The following RXFP2 variants were observed in gnomAD, a reference collection of about 807,000 sequenced individuals.
RXFP2 encodes relaxin receptor 2.
Under a neutral mutation model 88.6 loss-of-function variants are expected in RXFP2, and 68 were observed. The observed-to-expected ratio is 0.77, with a 90% CI of 0.63 to 0.94. The LOEUF (loss-of-function observed/expected upper bound fraction) is 0.94. Among genes scored for constraint, RXFP2 ranks in the 40% least tolerant of loss-of-function variants. The probability of loss-of-function intolerance (pLI) is 0.00; values close to 1 mark genes in which losing one functional copy is unlikely to be tolerated. For missense variants in RXFP2, 791 were observed against 893.9 expected, an observed-to-expected ratio of 0.88 and a Z score of 1.47; for synonymous variants, 329 against 306.8, an observed-to-expected ratio of 1.07 and a Z score of -0.76.
At chr13:31,756,712 C>G (rs765503687) in intron 1 of RXFP2, among the ~76,000 whole-genome samples, 2 of 151,848 alleles carry the variant, frequency 1.3e-5, no homozygotes, top group Non-Finnish European at 2.9e-5. Context: ...ACCTCTGCCC[C>G]CCAAGTTCAA....
At chr13:31,785,870 A>C (rs1296630992) in intron 11 of RXFP2, among the ~76,000 whole-genome samples, 2 of 152,218 alleles carry the variant, frequency 1.3e-5, no homozygotes, top group Non-Finnish European at 2.9e-5. Context: ...TTCTTCTGCA[A>C]AAATAGTCTT....
intron 1 of RXFP2, among the ~76,000 whole-genome samples, chr13:31,756,641 A>G (rs1379350951): frequency 2.1e-5 from 2 of 96,100 alleles, no homozygotes; most frequent in African/African-American, 4.1e-5. Context: ...TTTTTTTTTG[A>G]GACTGAGTCA....
chr13:31,775,647 G>C (rs551847475), intron 7 of RXFP2, among the ~76,000 whole-genome samples: 1 of 152,300 alleles, frequency 6.6e-6, no homozygotes, highest in South Asian at 2.1e-4. Context: ...TCTCCCAAGA[G>C]TTGTGACAAC....
chr13:31,785,640 C>T (rs1873499735), intron 11 of RXFP2, among the ~76,000 whole-genome samples: 2 of 151,868 alleles, frequency 1.3e-5, no homozygotes, highest in East Asian at 3.9e-4. Flanking sequence ...TAACCATCAG[C>T]AGTTCCAGAG....
Position 31,790,741 on chromosome 13 carries a change from A to G in RXFP2, c.1146-1065A>G, listed in dbSNP as rs553203797. Among the ~76,000 whole-genome samples the G allele has an allele frequency of 5.3e-5, 8 of 152,324 alleles. No homozygotes were observed. The South Asian group carries it at 1.7e-3, about 32-fold the overall frequency. ...AGGGATAGAAGGAGGATTGAGGATT[A>G]CCACTGAGGTGGGGTGGATGGAAGT... On this transcript the variant is annotated intron_variant, in intron 14 of 17. Transcript: ENST00000298386.
intron 13 of RXFP2, among the ~76,000 whole-genome samples, 174 bp downstream of exon 13, chr13:31,786,811 C>T (rs1036461127): frequency 1.3e-5 from 2 of 152,076 alleles, no homozygotes; most frequent in African/African-American, 4.8e-5. Context: ...ATTTACCATT[C>T]GACATGTATG....
At chr13:31,756,383 T>C (rs1390670615) in intron 1 of RXFP2, among the ~76,000 whole-genome samples, 1 of 152,156 alleles carries the variant, frequency 6.6e-6, no homozygotes, top group Non-Finnish European at 1.5e-5. Context: ...AACTAGGAAA[T>C]GCCCAGCACA....
chr13:31,778,396 TATC>T, intron 8 of RXFP2, 113 bp from the exon 9 acceptor site: 3 of 728,274 alleles, frequency 4.1e-6, no homozygotes, highest in Admixed American at 4.4e-5. Context: ...CTATATATGT[TATC>T]ATCATAAGAT....
At chr13:31,739,767 A>G in intron 1 of RXFP2, 61 bp downstream of exon 1, 2 of 1,040,922 alleles carry the variant, frequency 1.9e-6, no homozygotes, top group East Asian at 2.4e-5. Context: ...ATTTCTATGT[A>G]GTTCTATGGC....
chr13:31,769,740 A>G (rs1197476400), intron 5 of RXFP2, among the ~76,000 whole-genome samples: 1 of 152,106 alleles, frequency 6.6e-6, no homozygotes, highest in East Asian at 1.9e-4. Flanking sequence ...CTGCTAAGTG[A>G]TGTGTGTGCT....
At chr13:31,770,930 C>T (rs977068847) in intron 5 of RXFP2, among the ~76,000 whole-genome samples, 1 of 152,004 alleles carries the variant, frequency 6.6e-6, no homozygotes, top group Non-Finnish European at 1.5e-5. Flanking sequence ...ACATGTAGAA[C>T]TAAAGAGAAG....
rs188981298 is a variant in RXFP2 at position 31,761,592 on chromosome 13, T to C, written c.242-132T>C. The C allele has an allele frequency of 1.2e-4, 80 of 663,334 alleles. No homozygotes were observed. In the East Asian group the frequency reaches 2.3e-3, roughly 19 times the overall value. The allele number at this position is 663,334 out of a possible 1,614,324, so 41.1% of individuals were successfully genotyped here. A position where few individuals can be genotyped will look rare whatever the true frequency, so the allele number is the denominator to read the frequency against. On this transcript the variant is annotated intron_variant, in intron 2 of 17. Coordinates refer to ENST00000298386, the MANE Select transcript of RXFP2 (RefSeq NM_130806.5). Reference sequence around the variant, plus strand: ...GTTTGCCTAACTTTTTCTCTCTTACTATGTATTTAAAATATCAATAATTCT... The same window carrying C: ...GTTTGCCTAACTTTTTCTCTCTTACCATGTATTTAAAATATCAATAATTCT...
intron 13 of RXFP2, among the ~76,000 whole-genome samples, chr13:31,787,158 C>T (rs1873582870): frequency 6.6e-6 from 1 of 152,214 alleles, no homozygotes; most frequent in East Asian, 1.9e-4. Flanking sequence ...AACTCTGCCA[C>T]TTTTCCTTTG....
intron 1 of RXFP2, among the ~76,000 whole-genome samples, chr13:31,748,200 T>C (rs951193520): frequency 6.6e-6 from 1 of 152,252 alleles, no homozygotes; most frequent in Non-Finnish European, 1.5e-5. Context: ...CATTCTTGTA[T>C]GAATCTCTTG....
intron 1 of RXFP2, among the ~76,000 whole-genome samples, chr13:31,751,611 C>A (rs1396493212): frequency 6.6e-6 from 1 of 152,166 alleles, no homozygotes; most frequent in Non-Finnish European, 1.5e-5. Context: ...GGAATAGAAT[C>A]TGGGATAATT....
chr13:31,774,493 A>G, intron 5 of RXFP2, 127 bp from the exon 6 acceptor site: 1 of 705,852 alleles, frequency 1.4e-6, no homozygotes, highest in Non-Finnish European at 2.6e-6. Context: ...TCTCCCCAAC[A>G]TGAGAATAGG....
intron 1 of RXFP2, among the ~76,000 whole-genome samples, chr13:31,751,552 C>T (rs557424098): frequency 6.6e-6 from 1 of 152,232 alleles, no homozygotes; most frequent in East Asian, 1.9e-4. Flanking sequence ...GTGGGTCCTG[C>T]CCAAACATAC....
At chr13:31,760,270 T>C (rs931402084) in intron 2 of RXFP2, among the ~76,000 whole-genome samples, 8 of 152,082 alleles carry the variant, frequency 5.3e-5, no homozygotes, top group Non-Finnish European at 1.0e-4. Context: ...TTTGTATTTT[T>C]AATAGAGACG....
intron 1 of RXFP2, among the ~76,000 whole-genome samples, chr13:31,749,345 T>C (rs1871563829): frequency 6.6e-6 from 1 of 152,244 alleles, no homozygotes; most frequent in Admixed American, 6.5e-5. Flanking sequence ...TGTACCATTA[T>C]AATATGTCTT....
Sources: gnomAD v4.1 joint callset for allele counts (sites outside exome capture counted in the v4.1 genomes callset) on GRCh38, gnomAD v4.1.1 for gene constraint, MANE v1.5 for transcripts, NCBI Gene and HGNC (gene_info 2026-07-23, HGNC 2026-07-21) for gene names.